SUCLG2: variants seen among roughly 807,000 people sequenced by gnomAD.
SUCLG2 encodes the protein succinate-CoA ligase GDP-forming subunit beta, also known as succinate--CoA ligase [GDP-forming] subunit beta, mitochondrial.
SUCLG2 carries 42 observed loss-of-function variants against 47.9 expected under a neutral mutation model. The observed-to-expected ratio is 0.88, with a 90% CI of 0.69 to 1.14. SUCLG2 has a LOEUF of 1.14. Ranked by LOEUF, SUCLG2 falls within the 50% of genes most tolerant of loss-of-function variation. SUCLG2 has a pLI of 0.00. For synonymous variants in SUCLG2, 195 were observed against 197.3 expected, an observed-to-expected ratio of 0.99 and a Z score of 0.10; for missense variants, 571 against 525.9, an observed-to-expected ratio of 1.09 and a Z score of -0.84.
chr3:67,549,086 A>G (rs1056794614), intron 2 of SUCLG2, among the ~76,000 whole-genome samples: 2 of 152,210 alleles, frequency 1.3e-5, no homozygotes, highest in Admixed American at 1.3e-4. Context: ...GATGTTGTGT[A>G]AGCTCAGTGG....
intron 10 of SUCLG2, among the ~76,000 whole-genome samples, chr3:67,367,520 A>G (rs1553692547): frequency 6.6e-6 from 1 of 152,192 alleles, no homozygotes; most frequent in Non-Finnish European, 1.5e-5. Context: ...ACCCATATTT[A>G]CTATAGTAAA....
At chr3:67,647,423 C>T (rs1701211480) in intron 1 of SUCLG2, among the ~76,000 whole-genome samples, 1 of 152,190 alleles carries the variant, frequency 6.6e-6, no homozygotes, top group Non-Finnish European at 1.5e-5. Flanking sequence ...CCAGGAAACT[C>T]CATCCTCCAA....
chr3:67,615,627 C>A (rs1214106158), intron 1 of SUCLG2, among the ~76,000 whole-genome samples: 2 of 151,320 alleles, frequency 1.3e-5, no homozygotes, highest in African/African-American at 2.4e-5. Context: ...CACAAACACA[C>A]ACACACACAC....
intron 2 of SUCLG2, among the ~76,000 whole-genome samples, chr3:67,565,725 T>G (rs1049553816): frequency 1.3e-5 from 2 of 152,198 alleles, no homozygotes; most frequent in African/African-American, 4.8e-5. Flanking sequence ...GCTCCTCAGG[T>G]GCAGGAACAA....
intron 1 of SUCLG2, among the ~76,000 whole-genome samples, chr3:67,627,852 AC>A (rs1348029432): frequency 6.6e-6 from 1 of 151,462 alleles, no homozygotes; most frequent in Non-Finnish European, 1.5e-5. Flanking sequence ...CTTTCCGAAA[AC>A]TCTAGATCCC....
intron 1 of SUCLG2, among the ~76,000 whole-genome samples, chr3:67,645,445 C>G (rs1454526433): frequency 6.6e-6 from 1 of 152,150 alleles, no homozygotes; most frequent in African/African-American, 2.4e-5. Flanking sequence ...AACACTCAGC[C>G]ATTCAGTCCT....
intron 9 of SUCLG2, among the ~76,000 whole-genome samples, chr3:67,428,439 T>C (rs1302408112): frequency 6.6e-6 from 1 of 152,130 alleles, no homozygotes; most frequent in Non-Finnish European, 1.5e-5. Flanking sequence ...AAACCCCATC[T>C]GTGCGTCACC....
intron 10 of SUCLG2, among the ~76,000 whole-genome samples, chr3:67,382,331 T>C (rs1346201589): frequency 6.6e-6 from 1 of 152,236 alleles, no homozygotes; most frequent in Non-Finnish European, 1.5e-5. Flanking sequence ...GAGCCAGGAC[T>C]TGAACCCAGG....
chr3:67,549,500 A>C (rs74645912), intron 2 of SUCLG2, among the ~76,000 whole-genome samples: 7,428 of 152,264 alleles, frequency 0.049, 236 homozygotes, highest in African/African-American at 0.089. Flanking sequence ...TGTCTAAACA[A>C]AGTCTGAAAT....
intron 9 of SUCLG2, among the ~76,000 whole-genome samples, chr3:67,404,865 A>T (rs1702766390): frequency 6.6e-6 from 1 of 152,072 alleles, no homozygotes; most frequent in South Asian, 2.1e-4. Context: ...AATTTTCAAT[A>T]TGTGCCTCAC....
At chr3:67,624,250 G>T (rs1700784439) in intron 1 of SUCLG2, among the ~76,000 whole-genome samples, 1 of 152,192 alleles carries the variant, frequency 6.6e-6, no homozygotes, top group Non-Finnish European at 1.5e-5. Flanking sequence ...GCTTGCCAAA[G>T]AAATGACTTG....
chr3:67,640,573 T>C (rs1701084894), intron 1 of SUCLG2, among the ~76,000 whole-genome samples: 1 of 152,222 alleles, frequency 6.6e-6, no homozygotes, highest in South Asian at 2.1e-4. Context: ...TACTCTCTTA[T>C]AACATTTGTT....
Position 67,618,390 on chromosome 3 carries a change from GC to G in SUCLG2, c.85-8795del, listed in dbSNP as rs1268650688. On this transcript the variant is annotated intron_variant, in intron 1 of 10. Transcript: ENST00000307227. ...GCCGAGATCTCGCCATTGCACTCCA[GC>G]CTGGCAACAGAACAAAACTCTGTCT... Among the ~76,000 whole-genome samples the G allele has an allele frequency of 7.9e-5, 12 of 152,148 alleles. No homozygotes were observed. In the East Asian group the frequency reaches 2.3e-3, roughly 29 times the overall value.
chr3:67,506,626 G>A (rs1292716751), intron 7 of SUCLG2, among the ~76,000 whole-genome samples: 1 of 152,032 alleles, frequency 6.6e-6, no homozygotes. Context: ...CTTCCCAAAG[G>A]GTTGAATAAA....
At chr3:67,393,089 G>A (rs1273902583) in intron 10 of SUCLG2, among the ~76,000 whole-genome samples, 1 of 152,236 alleles carries the variant, frequency 6.6e-6, no homozygotes. Flanking sequence ...CCCAGCGTGA[G>A]CGACGCAGAA....
intron 10 of SUCLG2, among the ~76,000 whole-genome samples, chr3:67,394,392 C>G (rs765741526): frequency 1.4e-5 from 2 of 145,222 alleles, no homozygotes; most frequent in Non-Finnish European, 3.0e-5. Flanking sequence ...CCTCAGGAGC[C>G]GATGCGATCA....
intron 2 of SUCLG2, among the ~76,000 whole-genome samples, chr3:67,573,352 A>C (rs920560032): frequency 6.6e-6 from 1 of 152,264 alleles, no homozygotes; most frequent in Non-Finnish European, 1.5e-5. Context: ...AGAATTGCCA[A>C]AACGAATTTG....
intron 9 of SUCLG2, among the ~76,000 whole-genome samples, chr3:67,418,832 C>G (rs780797556): frequency 2.0e-5 from 3 of 152,082 alleles, no homozygotes; most frequent in Non-Finnish European, 2.9e-5. Flanking sequence ...TAATCACAAA[C>G]GGCCTGGACC....
At chr3:67,573,773 T>C (rs765881558) in intron 2 of SUCLG2, among the ~76,000 whole-genome samples, 118 of 151,812 alleles carry the variant, frequency 7.8e-4, no homozygotes, top group Non-Finnish European at 1.3e-3. Flanking sequence ...AATCCTTGTT[T>C]CCCCCTTTTT....
Sources: gnomAD v4.1 joint callset for allele counts (sites outside exome capture counted in the v4.1 genomes callset) on GRCh38, gnomAD v4.1.1 for gene constraint, MANE v1.5 for transcripts, NCBI Gene and HGNC (gene_info 2026-07-23, HGNC 2026-07-21) for gene names.